MGAT4C: variants seen among roughly 807,000 people sequenced by gnomAD.
MGAT4C encodes MGAT4 family member C, also known as alpha-1,3-mannosyl-glycoprotein 4-beta-N-acetylglucosaminyltransferase C.
Under a neutral mutation model 40.1 loss-of-function variants are expected in MGAT4C, and 19 were observed. The observed-to-expected ratio is 0.47, with a 90% CI of 0.33 to 0.70. The LOEUF (loss-of-function observed/expected upper bound fraction) is 0.70. Ranked by LOEUF, MGAT4C falls within the 30% of genes least tolerant of loss-of-function variation. The pLI is 0.02. For synonymous variants in MGAT4C, 181 were observed against 187.1 expected (o/e 0.97, Z 0.27); for missense variants, 491 against 563.2 (o/e 0.87, Z 1.30).
chr12:86,430,807 G>GT (rs199992552), intron 3 of MGAT4C, among the ~76,000 whole-genome samples: 16 of 152,266 alleles, frequency 1.1e-4, no homozygotes, highest in African/African-American at 3.6e-4. Flanking sequence ...CCATGAAGTG[G>GT]TTTTTTTGGC....
chr12:86,655,245 G>C (rs963507775), intron 2 of MGAT4C, among the ~76,000 whole-genome samples: 8 of 151,958 alleles, frequency 5.3e-5, no homozygotes, highest in Non-Finnish European at 4.4e-5. Context: ...GTGGAAGGCA[G>C]TGTGGTAATT....
At chr12:86,175,122 A>G (rs1208713578) in intron 1 of MGAT4C, among the ~76,000 whole-genome samples, 2 of 152,162 alleles carry the variant, frequency 1.3e-5, no homozygotes, top group Non-Finnish European at 2.9e-5. Flanking sequence ...TGTCACCTAA[A>G]TTATTGTAGA....
At position 86,021,683 on chromosome 12, in the gene MGAT4C, AC is replaced by A. The variant is rs1429279721; in HGVS notation, c.-7+27990del. On this transcript the variant is annotated intron_variant, in intron 2 of 4. Coordinates refer to ENST00000611864, the MANE Select transcript of MGAT4C (RefSeq NM_001351288.2). ...TAGCACACCAACATGGCACATGTAT[AC>A]ATATGTAACAAACCTGCACGTTGTG... 1.4e-4 allele frequency among the ~76,000 whole-genome samples: 21 copies of A among 152,248 alleles called. 1 individual carries two copies. The East Asian group carries it at 4.1e-3, about 29-fold the overall frequency.
At chr12:86,476,083 C>G (rs1957831422) in intron 2 of MGAT4C, among the ~76,000 whole-genome samples, 1 of 151,942 alleles carries the variant, frequency 6.6e-6, no homozygotes, top group Non-Finnish European at 1.5e-5. Flanking sequence ...TTAACAGTAC[C>G]TAAAATCTAC....
chr12:86,268,402 G>T (rs530597484), intron 4 of MGAT4C, among the ~76,000 whole-genome samples: 1 of 151,856 alleles, frequency 6.6e-6, no homozygotes, highest in South Asian at 2.1e-4. Flanking sequence ...TCAAAATTTT[G>T]CTCATATAGA....
chr12:86,691,742 C>T (rs186128123), intron 2 of MGAT4C, among the ~76,000 whole-genome samples: 29 of 152,036 alleles, frequency 1.9e-4, no homozygotes, highest in South Asian at 6.2e-4. Flanking sequence ...AGACATACAA[C>T]GTATCCAAAC....
At chr12:86,782,799 GAC>G (rs1180648081) in intron 1 of MGAT4C, among the ~76,000 whole-genome samples, 2 of 151,808 alleles carry the variant, frequency 1.3e-5, no homozygotes, top group Non-Finnish European at 2.9e-5. Context: ...GCTACGTGAA[GAC>G]ACAGTCAGAA....
intron 3 of MGAT4C, among the ~76,000 whole-genome samples, chr12:86,379,541 A>T (rs1009778967): frequency 6.6e-6 from 1 of 152,066 alleles, no homozygotes; most frequent in South Asian, 2.1e-4. Flanking sequence ...AATGTGTCTG[A>T]CTGATTCATG....
chr12:86,081,256 G>C (rs1870790604), intron 1 of MGAT4C, among the ~76,000 whole-genome samples: 1 of 152,092 alleles, frequency 6.6e-6, no homozygotes, highest in Admixed American at 6.6e-5. Context: ...AGATGGTAAG[G>C]AACAATAATG....
chr12:86,302,329 T>C (rs1477958359), intron 4 of MGAT4C, among the ~76,000 whole-genome samples: 1 of 150,828 alleles, frequency 6.6e-6, no homozygotes, highest in Non-Finnish European at 1.5e-5. Flanking sequence ...GCCTCTATTG[T>C]ACAAGAATCC....
intron 2 of MGAT4C, among the ~76,000 whole-genome samples, chr12:86,661,149 A>G (rs1031675843): frequency 1.3e-5 from 2 of 152,140 alleles, no homozygotes; most frequent in Admixed American, 1.3e-4. Context: ...CCATCACTGT[A>G]GTCACAGTTG....
At chr12:86,748,889 A>G (rs1951193839) in intron 1 of MGAT4C, among the ~76,000 whole-genome samples, 1 of 151,558 alleles carries the variant, frequency 6.6e-6, no homozygotes, top group Non-Finnish European at 1.5e-5. Flanking sequence ...TTAATATTTA[A>G]AAGTGTTGAG....
chr12:86,745,164 C>T (rs547484880), intron 1 of MGAT4C: 1 of 151,324 alleles, frequency 6.6e-6, no homozygotes, highest in East Asian at 2.0e-4. Context: ...TACACCTGTG[C>T]AAAATAAAGT....
intron 2 of MGAT4C, among the ~76,000 whole-genome samples, chr12:86,028,436 T>C (rs1268674959): frequency 6.6e-6 from 1 of 151,922 alleles, no homozygotes; most frequent in Non-Finnish European, 1.5e-5. Context: ...GTCTAACTTG[T>C]AGTTTGTCCA....
chr12:86,526,302 C>G (rs1300959181), intron 2 of MGAT4C, among the ~76,000 whole-genome samples: 1 of 151,788 alleles, frequency 6.6e-6, no homozygotes, highest in Admixed American at 6.6e-5. Context: ...GGAGGGTTGG[C>G]GGGGAGTAAA....
intron 2 of MGAT4C, among the ~76,000 whole-genome samples, chr12:86,033,314 G>A (rs978820675): frequency 1.3e-5 from 2 of 149,324 alleles, no homozygotes; most frequent in African/African-American, 4.9e-5. Context: ...AATGCCATTT[G>A]TAGTTTAATA....
intron 1 of MGAT4C, among the ~76,000 whole-genome samples, chr12:86,109,673 C>T (rs193140079): frequency 3.3e-5 from 5 of 151,882 alleles, no homozygotes; most frequent in African/African-American, 1.2e-4. Context: ...AAGGAGAATG[C>T]AAGTTATATT....
intron 2 of MGAT4C, among the ~76,000 whole-genome samples, chr12:86,442,176 CT>C (rs1451687250): frequency 1.3e-5 from 2 of 152,154 alleles, no homozygotes; most frequent in Non-Finnish European, 2.9e-5. Flanking sequence ...CCTTTGCCCA[CT>C]TTTTGATGGG....
chr12:86,670,143 A>T (rs1385067508), intron 2 of MGAT4C, among the ~76,000 whole-genome samples: 4 of 152,342 alleles, frequency 2.6e-5, no homozygotes, highest in African/African-American at 7.2e-5. Flanking sequence ...AATTGTCATC[A>T]TTAAAAAACT....
Sources: gnomAD v4.1 joint callset for allele counts (sites outside exome capture counted in the v4.1 genomes callset) on GRCh38, gnomAD v4.1.1 for gene constraint, MANE v1.5 for transcripts, NCBI Gene and HGNC (gene_info 2026-07-23, HGNC 2026-07-21) for gene names.